The following ABTB3 variants were observed in gnomAD, a reference collection of about 807,000 sequenced individuals.
The protein encoded by ABTB3 is ankyrin repeat and BTB domain containing 3, also known as ankyrin repeat- and BTB/POZ domain-containing protein 3.
the ABTB3 span, among the ~76,000 whole-genome samples, chr12:107,464,744 A>G: frequency 6.6e-6 from 1 of 152,340 alleles, no homozygotes; most frequent in East Asian, 1.9e-4. Flanking sequence ...GTATTTGAGC[A>G]AGGAGATGGG....
chr12:107,488,580 C>G, the ABTB3 span, among the ~76,000 whole-genome samples: 8 of 151,972 alleles, frequency 5.3e-5, no homozygotes, highest in South Asian at 1.7e-3. Flanking sequence ...ACACTTTGAA[C>G]TTTTGTCTGA....
At chr12:107,484,869 G>A in the ABTB3 span, among the ~76,000 whole-genome samples, 10 of 152,100 alleles carry the variant, frequency 6.6e-5, no homozygotes, top group Admixed American at 4.6e-4. Flanking sequence ...AGGGTTTTTG[G>A]CCTGAGCCCT....
At chr12:107,482,971 T>C in the ABTB3 span, among the ~76,000 whole-genome samples, 1 of 61,266 alleles carries the variant, frequency 1.6e-5, no homozygotes, top group Non-Finnish European at 3.2e-5. Context: ...TTTCTTTCTT[T>C]CTTTCTTTCT....
chr12:107,465,501 G>T, the ABTB3 span, among the ~76,000 whole-genome samples: 1 of 152,134 alleles, frequency 6.6e-6, no homozygotes, highest in Non-Finnish European at 1.5e-5. Context: ...ACTCAATGAT[G>T]GTTTATTAGA....
the ABTB3 span, among the ~76,000 whole-genome samples, chr12:107,495,322 C>T: frequency 2.0e-5 from 3 of 152,210 alleles, no homozygotes; most frequent in Admixed American, 6.5e-5. Flanking sequence ...TTCCCGCGTT[C>T]GTGTGCTCTG....
At chr12:107,570,917 G>T in the ABTB3 span, among the ~76,000 whole-genome samples, 13 of 152,136 alleles carry the variant, frequency 8.5e-5, no homozygotes, top group Non-Finnish European at 1.6e-4. Context: ...CCTCTGCCTG[G>T]AAATGATATA....
chr12:107,425,674 T>C, the ABTB3 span, among the ~76,000 whole-genome samples: 2 of 152,182 alleles, frequency 1.3e-5, no homozygotes, highest in African/African-American at 4.8e-5. Context: ...GCCCCATGCC[T>C]ACCATATTTC....
At chr12:107,335,480 A>G in the ABTB3 span, among the ~76,000 whole-genome samples, 1 of 152,046 alleles carries the variant, frequency 6.6e-6, no homozygotes, top group African/African-American at 2.4e-5. Context: ...AACGATTTTG[A>G]TCTGGGTTCT....
the ABTB3 span, among the ~76,000 whole-genome samples, chr12:107,595,848 AC>A: frequency 6.6e-6 from 1 of 152,178 alleles, no homozygotes; most frequent in Non-Finnish European, 1.5e-5. Context: ...ATATGTATGC[AC>A]ATATATTTAT....
the ABTB3 span, among the ~76,000 whole-genome samples, chr12:107,370,137 G>A: frequency 1.3e-5 from 2 of 152,226 alleles, no homozygotes; most frequent in Admixed American, 1.3e-4. Context: ...CTAACAGTAA[G>A]TGGTTTTCCC....
At chr12:107,452,899 C>T in the ABTB3 span, among the ~76,000 whole-genome samples, 1 of 152,136 alleles carries the variant, frequency 6.6e-6, no homozygotes, top group Non-Finnish European at 1.5e-5. Context: ...ATCACTAAAA[C>T]AATTACAAGT....
At chr12:107,563,220 G>A in the ABTB3 span, among the ~76,000 whole-genome samples, 9 of 152,180 alleles carry the variant, frequency 5.9e-5, no homozygotes, top group Non-Finnish European at 1.0e-4. Flanking sequence ...CCATTCCAGC[G>A]AACCATTCCC....
chr12:107,453,910 G>A, the ABTB3 span, among the ~76,000 whole-genome samples: 1 of 152,202 alleles, frequency 6.6e-6, no homozygotes, highest in Non-Finnish European at 1.5e-5. Context: ...GGGAGGAATT[G>A]GATGACTCCT....
At chr12:107,657,469 G>A in the ABTB3 span, 2 of 1,570,918 alleles carry the variant, frequency 1.3e-6, no homozygotes, top group East Asian at 2.2e-5. Context: ...GTGCTTTTCG[G>A]AAGCGTAACC....
At chr12:107,413,084 C>T in the ABTB3 span, among the ~76,000 whole-genome samples, 31 of 152,184 alleles carry the variant, frequency 2.0e-4, no homozygotes, top group East Asian at 5.8e-3. Context: ...ACCATCCTGG[C>T]TAACACCGTG....
chr12:107,637,756 G>A, the ABTB3 span, among the ~76,000 whole-genome samples: 2 of 151,624 alleles, frequency 1.3e-5, no homozygotes, highest in East Asian at 1.9e-4. Context: ...GGGAGTGGTG[G>A]GGACTGTGGC....
At chr12:107,551,137 G>T in the ABTB3 span, among the ~76,000 whole-genome samples, 1 of 152,216 alleles carries the variant, frequency 6.6e-6, no homozygotes. Context: ...GAGGAAGAAT[G>T]CTACTTCCTT....
At chr12:107,471,017 C>T in the ABTB3 span, among the ~76,000 whole-genome samples, 1 of 152,190 alleles carries the variant, frequency 6.6e-6, no homozygotes, top group Non-Finnish European at 1.5e-5. Context: ...ATGTACTGAG[C>T]ATGCCAGGCA....
the ABTB3 span, among the ~76,000 whole-genome samples, chr12:107,389,972 A>G: frequency 3.2e-4 from 49 of 151,964 alleles, no homozygotes; most frequent in African/African-American, 1.1e-3. Context: ...TTCTCTCTGC[A>G]TGGTCTTTCA....
Sources: allele counts gnomAD v4.1 joint callset (sites outside exome capture counted in the v4.1 genomes callset), GRCh38; gene constraint gnomAD v4.1.1; transcripts MANE v1.5; gene names NCBI Gene and HGNC (gene_info 2026-07-23, HGNC 2026-07-21).